STIM2: variants seen among roughly 807,000 people sequenced by gnomAD.
The protein encoded by STIM2 is stromal interaction molecule 2.
A neutral mutation model predicts 85.8 loss-of-function variants in STIM2; 31 were observed. The observed-to-expected ratio is 0.36, with a 90% CI of 0.27 to 0.49. The LOEUF is 0.49. STIM2 is among the 20% of genes least tolerant of loss of function. The pLI, the probability that STIM2 is intolerant of heterozygous loss-of-function variation, is 0.98. For synonymous variants in STIM2, 356 were observed against 331.1 expected (o/e 1.08, Z -0.82); for missense variants, 841 against 927.6 (o/e 0.91, Z 1.21).
chr4:26,941,869 G>A (rs1362386248), intron 2 of STIM2, among the ~76,000 whole-genome samples: 1 of 151,994 alleles, frequency 6.6e-6, no homozygotes, highest in Non-Finnish European at 1.5e-5. Context: ...ATAGTTTGAT[G>A]AATTTTGAAA....
chr4:26,951,359 T>G (rs950617585), intron 2 of STIM2, among the ~76,000 whole-genome samples: 5 of 152,164 alleles, frequency 3.3e-5, no homozygotes, highest in Non-Finnish European at 1.5e-5. Context: ...CAAAGTCCCG[T>G]CTTTTCAACT....
intron 2 of STIM2, among the ~76,000 whole-genome samples, chr4:26,933,162 C>G (rs1725264690): frequency 6.8e-6 from 1 of 148,038 alleles, no homozygotes; most frequent in African/African-American, 2.5e-5. Flanking sequence ...GCCAGCACTT[C>G]TAGTCTGCAG....
chr4:27,015,679 T>G (rs1728707015), intron 10 of STIM2, among the ~76,000 whole-genome samples: 1 of 152,054 alleles, frequency 6.6e-6, no homozygotes. Context: ...TCAACTTGGT[T>G]CGGGTTCTTT....
chr4:26,867,128 A>G (rs187975938), intron 1 of STIM2, among the ~76,000 whole-genome samples: 66 of 152,312 alleles, frequency 4.3e-4, no homozygotes, highest in African/African-American at 1.5e-3. Context: ...AAATGTTTAG[A>G]TGAAATTTTA....
At chr4:26,995,222 T>G (rs1727910762) in intron 3 of STIM2, among the ~76,000 whole-genome samples, 157 bp from the exon 4 acceptor site, 1 of 152,170 alleles carries the variant, frequency 6.6e-6, no homozygotes, top group Non-Finnish European at 1.5e-5. Context: ...ATTGTAAGGC[T>G]TTCTTCTTCT....
At position 27,003,195 on chromosome 4, in the gene STIM2, T is replaced by C. The variant is rs903957123; in HGVS notation, c.981+91T>C. 4 of 1,242,554 alleles carry C rather than the reference T, an allele frequency of 3.2e-6. No homozygotes were observed. The African/African-American group carries it at 6.4e-5, about 20-fold the overall frequency. The allele number at this position is 1,242,554 out of a possible 1,614,324, so 77.0% of individuals were successfully genotyped here. Reference sequence around the variant, plus strand: ...CTGTTTTTCTTCAGTTTCCTACATTTAGTTCCACTGTAGTTCCTCAGTTGA... The same window carrying C: ...CTGTTTTTCTTCAGTTTCCTACATTCAGTTCCACTGTAGTTCCTCAGTTGA... On this transcript the variant is annotated intron_variant, in intron 7 of 11. Transcript: ENST00000467087.
intron 1 of STIM2, among the ~76,000 whole-genome samples, chr4:26,869,794 G>A (rs1022272183): frequency 6.6e-5 from 10 of 150,966 alleles, no homozygotes; most frequent in Admixed American, 6.6e-5. Context: ...CACTGCTGTG[G>A]TAGCTTATCT....
chr4:26,921,629 T>C (rs1232660470), intron 2 of STIM2, among the ~76,000 whole-genome samples: 1 of 152,246 alleles, frequency 6.6e-6, no homozygotes, highest in East Asian at 1.9e-4. Flanking sequence ...GCTCCTGTGT[T>C]CTTAAAATAT....
At chr4:26,876,352 C>A (rs569636383) in intron 1 of STIM2, among the ~76,000 whole-genome samples, 3 of 152,116 alleles carry the variant, frequency 2.0e-5, no homozygotes, top group Non-Finnish European at 2.9e-5. Context: ...GTAGCACTTC[C>A]CACTTTTGAG....
chr4:26,890,509 G>A (rs1266740996), intron 1 of STIM2, among the ~76,000 whole-genome samples: 1 of 152,004 alleles, frequency 6.6e-6, no homozygotes, highest in Non-Finnish European at 1.5e-5. Context: ...CTCTAATAAG[G>A]CCCCGTAGCA....
At chr4:26,908,570 G>A (rs1443330966) in intron 1 of STIM2, among the ~76,000 whole-genome samples, 7 of 152,150 alleles carry the variant, frequency 4.6e-5, no homozygotes, top group Non-Finnish European at 7.4e-5. Flanking sequence ...TGCAACCTCC[G>A]CCTCTTGGGT....
rs1216427655 is a variant in STIM2 at position 27,008,460 on chromosome 4, C to T, written c.1182C>T (p.Val394=). The change falls in exon 9 of 12, where the codon GTC becomes GTT. Residue 394 remains valine (V), a synonymous_variant. Transcript: ENST00000467087. ...AAATTAAAAAGAAGAGAAGCACAGTCTTTGGGACTCTGCACGTTGCACACA... is the reference window on the plus strand; with the variant it reads ...AAATTAAAAAGAAGAGAAGCACAGTTTTTGGGACTCTGCACGTTGCACACA... The T allele has an allele frequency of 6.2e-7, 1 of 1,601,680 alleles. No homozygotes were observed. The highest frequency in any genetic ancestry group is 1.1e-5 in the South Asian group (1 of 87,336).
rs183917381 is a variant in STIM2, at chr4:26,937,609, A to C, written c.282+17975A>C. 1.3e-3 allele frequency among the ~76,000 whole-genome samples: 201 copies of C among 152,316 alleles called. 1 individual carries two copies. Among genetic ancestry groups the C allele is most frequent in the Non-Finnish European group, 1.9e-4 (13 of 68,024 alleles). ...GCCTTGTATTATTATTATTATAGAT[A>C]GGATGGCCATATAATTTATTATCCC... is the stretch of plus-strand genomic sequence containing the variant. On this transcript the variant is annotated intron_variant, in intron 2 of 11. Coordinates refer to ENST00000467087, the MANE Select transcript of STIM2 (RefSeq NM_020860.4).
intron 1 of STIM2, among the ~76,000 whole-genome samples, chr4:26,863,611 A>G (rs1488512269): frequency 3.9e-5 from 6 of 152,148 alleles, no homozygotes; most frequent in Middle Eastern, 3.2e-3. Context: ...ATTTATTAGC[A>G]TTAGTGTACA....
At chr4:26,952,439 A>G (rs1726089752) in intron 2 of STIM2, among the ~76,000 whole-genome samples, 1 of 152,168 alleles carries the variant, frequency 6.6e-6, no homozygotes, top group Admixed American at 6.6e-5. Flanking sequence ...TATTTTGAAA[A>G]ATAAATGATT....
chr4:26,872,048 G>A (rs546303419), intron 1 of STIM2, among the ~76,000 whole-genome samples: 2 of 151,972 alleles, frequency 1.3e-5, no homozygotes, highest in Admixed American at 6.6e-5. Flanking sequence ...GCCTGGCAAG[G>A]GTAAGTATTC....
intron 2 of STIM2, among the ~76,000 whole-genome samples, chr4:26,940,647 T>G (rs2109081437): frequency 6.6e-6 from 1 of 152,324 alleles, no homozygotes; most frequent in Non-Finnish European, 1.5e-5. Flanking sequence ...TTGAGTTTTA[T>G]TATTATTATT....
intron 2 of STIM2, among the ~76,000 whole-genome samples, chr4:26,948,287 G>C (rs1380090667): frequency 6.6e-6 from 1 of 152,174 alleles, no homozygotes; most frequent in Non-Finnish European, 1.5e-5. Flanking sequence ...CGAAAGTGCT[G>C]AGTGGGATTC....
At chr4:26,881,182 G>T (rs372072679) in intron 1 of STIM2, among the ~76,000 whole-genome samples, 100 of 152,210 alleles carry the variant, frequency 6.6e-4, no homozygotes, top group African/African-American at 2.3e-3. Flanking sequence ...AGGCCAGACG[G>T]GGGCTGGGCG....
Sources: gnomAD v4.1 joint callset for allele counts (sites outside exome capture counted in the v4.1 genomes callset) on GRCh38, gnomAD v4.1.1 for gene constraint, MANE v1.5 for transcripts, NCBI Gene and HGNC (gene_info 2026-07-23, HGNC 2026-07-21) for gene names.